The following ITGAD variants were observed in gnomAD, a reference collection of about 807,000 sequenced individuals.
The protein encoded by ITGAD is integrin alpha-D.
A neutral mutation model predicts 139.0 loss-of-function variants in ITGAD; 105 were observed. The ratio of observed to expected loss-of-function variants is 0.76; its 90% CI spans 0.65 to 0.89. The LOEUF is 0.89. Among genes scored for constraint, ITGAD ranks in the 40% least tolerant of loss-of-function variants. The pLI, the probability that ITGAD is intolerant of heterozygous loss-of-function variation, is 0.00. For synonymous variants in ITGAD, 569 were observed against 598.3 expected (o/e 0.95, Z 0.71); for missense variants, 1,384 against 1,487.3 (o/e 0.93, Z 1.14).
chr16:31,405,792 C>T (rs1432243867), intron 7 of ITGAD, among the ~76,000 whole-genome samples: 2 of 151,962 alleles, frequency 1.3e-5, no homozygotes, highest in Non-Finnish European at 2.9e-5. Context: ...GTGCATGCCA[C>T]CACATCTGGC....
chr16:31,400,409 C>A (rs750832004), intron 5 of ITGAD, among the ~76,000 whole-genome samples: 2 of 152,154 alleles, frequency 1.3e-5, no homozygotes, highest in Non-Finnish European at 2.9e-5. Flanking sequence ...CACCTTAGTG[C>A]TCTGGTGGCC....
At chr16:31,414,656 G>A in intron 17 of ITGAD, 51 bp downstream of exon 17, 1 of 1,608,676 alleles carries the variant, frequency 6.2e-7, no homozygotes, top group Non-Finnish European at 8.5e-7. Flanking sequence ...CCCAAGGCTG[G>A]CCTGGAGCAC....
At position 31,397,624 on chromosome 16, in the gene ITGAD, G is replaced by A; in HGVS notation, c.270G>A (p.Leu90=). Residue 90 remains leucine (L), a synonymous_variant, in exon 4 of 30, where the codon TTG becomes TTA. Transcript: ENST00000389202. ...GCCCTGAGGCCGTGAACATGTCCTT[G>A]GGCCTGACCCTGGCAGCCTCCACCA... ...HIRPEAVNMS[L]GLTLAASTNG... 1.2e-6 allele frequency: 2 copies of A among 1,605,706 alleles called. No individual in the cohort carries two copies. Among genetic ancestry groups the A allele is most frequent in the South Asian group, 1.1e-5 (1 of 90,938 alleles).
Position 31,416,549 on chromosome 16 carries a change from T to C in ITGAD, c.2402T>C (p.Ile801Thr). 1 of 1,613,828 alleles carries C rather than the reference T, an allele frequency of 6.2e-7. No homozygotes were observed. Among genetic ancestry groups the C allele is most frequent in the South Asian group, 1.1e-5 (1 of 91,074 alleles). ...GGGAGCTCCCTGGAGCTCAACGTGA[T>C]TGTGACTGTGTGGAACGCAGGTGAG... ...TVGSSLELNV[I>T]VTVWNAGEDS... The change falls in exon 20 of 30, where the codon ATT becomes ACT. Residue 801 changes from isoleucine (I) to threonine (T), a missense_variant. Transcript: ENST00000389202.
chr16:31,420,649 A>ACTG (rs1382858536), intron 23 of ITGAD, among the ~76,000 whole-genome samples: 2 of 152,158 alleles, frequency 1.3e-5, no homozygotes, highest in Non-Finnish European at 2.9e-5. Context: ...ATCTCAGCTC[A>ACTG]CTGAAATCTC....
chr16:31,407,160 C>G (rs1302282627), intron 7 of ITGAD, among the ~76,000 whole-genome samples: 3 of 152,240 alleles, frequency 2.0e-5, no homozygotes, highest in African/African-American at 7.2e-5. Context: ...TTGAGATCAG[C>G]CTGGCCAACA....
At chr16:31,421,889 G>T (rs28385413) in intron 23 of ITGAD, among the ~76,000 whole-genome samples, 5,510 of 152,164 alleles carry the variant, frequency 0.036, 318 homozygotes, top group African/African-American at 0.12. Flanking sequence ...TGGTCTGGCT[G>T]CTGCATGCGA....
Position 31,414,920 on chromosome 16 carries a change from G to C in ITGAD, c.2212G>C (p.Glu738Gln), listed in dbSNP as rs1357260084. 2.5e-6 allele frequency: 4 copies of C among 1,613,950 alleles called. No homozygotes were observed. The highest frequency in any genetic ancestry group is 1.1e-5 in the South Asian group (1 of 91,080). Residue 738 changes from glutamate (E) to glutamine (Q), a missense_variant, in exon 18 of 30, where the codon GAG (glutamate) becomes CAG (glutamine). Coordinates refer to ENST00000389202, the MANE Select transcript of ITGAD (RefSeq NM_005353.3). The stretch of plus-strand genomic sequence containing the variant: ...GCACCTCAACTTCTCACTGGTGAGA[G>C]AGCCCATCCCCTCCCCCCAGAACCT... Reference protein sequence around the residue: ...ILHLNFSLVREPIPSPQNLRP... With the variant: ...ILHLNFSLVRQPIPSPQNLRP...
At chr16:31,411,619 A>G in intron 14 of ITGAD, 102 bp downstream of exon 14, 1 of 1,179,678 alleles carries the variant, frequency 8.5e-7, no homozygotes, top group Non-Finnish European at 1.2e-6. Context: ...TCCTTGTTGC[A>G]GTGGTTTGTC....
intron 4 of ITGAD, 53 bp downstream of exon 4, chr16:31,397,719 T>TGTG: frequency 9.9e-7 from 1 of 1,012,606 alleles, no homozygotes; most frequent in Non-Finnish European, 1.5e-6. Context: ...GGGGTGTTGT[T>TGTG]GGGGAGGAGG....
Position 31,403,420 on chromosome 16 carries a change from A to G in ITGAD, c.559-80A>G. ...TCACTTGAGGCCAGGAGTTTGAGAG[A>G]CCCTGTCTCTACAAAAAATTAAAAT... On this transcript the variant is annotated intron_variant, in intron 6 of 29. Coordinates refer to ENST00000389202, the MANE Select transcript of ITGAD (RefSeq NM_005353.3). The surrounding 1 kb of genome is among the most constrained non-coding windows in gnomAD (Gnocchi z 4.4). The G allele has an allele frequency of 6.5e-7, 1 of 1,549,414 alleles. No homozygotes were observed. Among genetic ancestry groups the G allele is most frequent in the Admixed American group, 1.7e-5 (1 of 57,288 alleles).
intron 1 of ITGAD, among the ~76,000 whole-genome samples, chr16:31,393,715 C>T (rs568930901): frequency 6.6e-6 from 1 of 152,142 alleles, no homozygotes; most frequent in Admixed American, 6.5e-5. Flanking sequence ...CCACAGAAGC[C>T]ACCAGGGAGG....
At chr16:31,420,305 G>C (rs983801140) in intron 23 of ITGAD, among the ~76,000 whole-genome samples, 3 of 152,196 alleles carry the variant, frequency 2.0e-5, no homozygotes, top group African/African-American at 7.2e-5. Context: ...GCAGGTGGTG[G>C]AGGCACAGGG....
intron 2 of ITGAD, 76 bp from the exon 3 acceptor site, chr16:31,397,283 A>C: frequency 1.1e-6 from 1 of 947,370 alleles, no homozygotes; most frequent in Non-Finnish European, 1.6e-6. Context: ...ATGGAGGGAC[A>C]CTTCCTCACC....
chr16:31,421,045 G>A (rs761936788), intron 23 of ITGAD, among the ~76,000 whole-genome samples: 1 of 152,198 alleles, frequency 6.6e-6, no homozygotes, highest in African/African-American at 2.4e-5. Context: ...TTATGTTGCT[G>A]TTGTTTTATG....
Position 31,411,197 on chromosome 16 carries a change from T to C in ITGAD, c.1478T>C (p.Val493Ala). The C allele has an allele frequency of 1.9e-6, 3 of 1,613,690 alleles. No individual in the cohort carries two copies. The highest frequency in any genetic ancestry group is 2.5e-6 in the Non-Finnish European group (3 of 1,179,834). Residue 493 changes from valine (V) to alanine (A), a missense_variant, in exon 13 of 30, where the codon GTG (valine) becomes GCG (alanine). Physicochemically the swap from Val to Ala is moderately conservative, Grantham distance 64 (BLOSUM62 0). Coordinates refer to ENST00000389202, the MANE Select transcript of ITGAD (RefSeq NM_005353.3). ...CAGACCCGAGGGGGCCAGGTGTCCG[T>C]GTGTCCCTTGCCTAGGGGGGTGAGT... ...YEQTRGGQVS[V>A]CPLPRGRVQW...
intron 14 of ITGAD, among the ~76,000 whole-genome samples, chr16:31,412,592 A>T (rs1349248148): frequency 1.3e-5 from 2 of 152,064 alleles, no homozygotes; most frequent in African/African-American, 4.8e-5. Flanking sequence ...TTGGAACTAG[A>T]GATTGATTGA....
In ITGAD at chr16:31,413,086, C is replaced by T. The variant is rs1381815405; in HGVS notation, c.1839-3C>T. 6.2e-7 allele frequency: 1 copy of T among 1,613,980 alleles called. No homozygotes were observed. On this transcript the variant is annotated splice_region_variant and splice_polypyrimidine_tract_variant and intron_variant, in intron 15 of 29. Transcript: ENST00000389202. ...CTGTCCTCCCCACTACTCTGCCCCT[C>T]AGGAGTCTGCCGGTGCTGAAAGTGG... is the stretch of plus-strand genomic sequence containing the variant.
chr16:31,426,222 C>T lies in ITGAD; in HGVS notation c.*94C>T, dbSNP rs989863548. 2 of 825,834 alleles carry T rather than the reference C, an allele frequency of 2.4e-6. No individual in the cohort carries two copies. The highest frequency in any genetic ancestry group is 5.4e-5 in the East Asian group (2 of 37,330). The allele number at this position is 825,834 out of a possible 1,614,324, so 51.2% of individuals were successfully genotyped here. ...TGGAAACAACTTCTGCATAGATCTG[C>T]ACTGGCCTAAGCAACCTACCAGGTG... On this transcript the variant is annotated 3_prime_UTR_variant, in exon 30 of 30. Coordinates refer to ENST00000389202, the MANE Select transcript of ITGAD (RefSeq NM_005353.3).
Sources: allele counts gnomAD v4.1 joint callset (sites outside exome capture counted in the v4.1 genomes callset), GRCh38; gene constraint gnomAD v4.1.1; non-coding constraint Gnocchi (gnomAD v3.1); transcripts MANE v1.5; gene names NCBI Gene and HGNC (gene_info 2026-07-23, HGNC 2026-07-21).